The following DOCK3 variants were observed in gnomAD, a reference collection of about 807,000 sequenced individuals.
DOCK3 encodes dedicator of cytokinesis 3.
In DOCK3, 60 loss-of-function variants were observed where a neutral mutation model predicts 265.6. The observed-to-expected ratio is 0.23, with a 90% CI of 0.18 to 0.28. DOCK3 has a LOEUF of 0.28. Among genes scored for constraint, DOCK3 ranks in the 10% least tolerant of loss-of-function variants. The pLI, the probability that DOCK3 is intolerant of heterozygous loss-of-function variation, is 1.00. For missense variants in DOCK3, 1,981 were observed against 2,594.3 expected (o/e 0.76, Z 5.14); for synonymous variants, 881 against 938.0 (o/e 0.94, Z 1.11).
intron 7 of DOCK3, among the ~76,000 whole-genome samples, chr3:51,079,095 A>G (rs2082142667): frequency 6.6e-6 from 1 of 152,222 alleles, no homozygotes. Context: ...TTGTGTTAAC[A>G]TGTAAATCTA....
chr3:50,882,282 A>G (rs1465491709), intron 3 of DOCK3, among the ~76,000 whole-genome samples: 1 of 152,206 alleles, frequency 6.6e-6, no homozygotes, highest in East Asian at 1.9e-4. Flanking sequence ...TAATTAAACT[A>G]AAGAGCTTCT....
intron 9 of DOCK3, among the ~76,000 whole-genome samples, chr3:51,117,573 G>A (rs1010295691): frequency 5.9e-5 from 9 of 152,064 alleles, no homozygotes; most frequent in Admixed American, 1.3e-4. Flanking sequence ...AGTAGAAATC[G>A]GCTGTGAATC....
intron 5 of DOCK3, among the ~76,000 whole-genome samples, chr3:50,973,951 C>G (rs2077344438): frequency 6.9e-6 from 1 of 145,008 alleles, no homozygotes; most frequent in Non-Finnish European, 1.5e-5. Context: ...TGAGAAGTGT[C>G]TGTTCATGTC....
intron 22 of DOCK3, among the ~76,000 whole-genome samples, chr3:51,249,581 C>T (rs1292271664): frequency 5.9e-5 from 7 of 118,086 alleles, no homozygotes; most frequent in Non-Finnish European, 1.1e-4. Context: ...CGGCCAGCCG[C>T]CCAGTCCGGG....
At chr3:50,842,447 A>C (rs1413042642) in intron 3 of DOCK3, among the ~76,000 whole-genome samples, 1 of 152,200 alleles carries the variant, frequency 6.6e-6, no homozygotes, top group African/African-American at 2.4e-5. Flanking sequence ...CAGTAGAATC[A>C]TTCAGTTTTA....
chr3:50,981,990 A>G (rs544804878), intron 5 of DOCK3, among the ~76,000 whole-genome samples: 1 of 152,050 alleles, frequency 6.6e-6, no homozygotes, highest in East Asian at 1.9e-4. Context: ...CTGGGACTAC[A>G]GGAGCATGCC....
intron 5 of DOCK3, among the ~76,000 whole-genome samples, chr3:51,053,836 A>G (rs185810910): frequency 1.6e-3 from 242 of 152,172 alleles, no homozygotes; most frequent in Admixed American, 3.0e-3. Flanking sequence ...TCTTAGGGTT[A>G]ATAATTGTTT....
intron 14 of DOCK3, among the ~76,000 whole-genome samples, chr3:51,216,591 C>G (rs2089802463): frequency 6.6e-6 from 1 of 152,218 alleles, no homozygotes; most frequent in Admixed American, 6.5e-5. Context: ...TCCACCCATT[C>G]TCTTCCTGAG....
intron 12 of DOCK3, among the ~76,000 whole-genome samples, chr3:51,205,497 C>T (rs1405574435): frequency 1.3e-5 from 2 of 149,878 alleles, no homozygotes; most frequent in Non-Finnish European, 3.0e-5. Context: ...AGTTCGAGAC[C>T]AGCCTGGGCA....
At chr3:50,719,725 C>A in intron 1 of DOCK3, 2 of 1,379,034 alleles carry the variant, frequency 1.5e-6, no homozygotes. Flanking sequence ...AAGTTCTTAT[C>A]ATCAAATTTC....
intron 23 of DOCK3, among the ~76,000 whole-genome samples, chr3:51,267,729 T>G (rs2080274680): frequency 6.6e-6 from 1 of 152,054 alleles, no homozygotes; most frequent in Non-Finnish European, 1.5e-5. Flanking sequence ...TAGCAAAGAT[T>G]TGGAACCAAC....
intron 5 of DOCK3, among the ~76,000 whole-genome samples, chr3:51,044,040 CAG>C (rs1212657192): frequency 6.6e-6 from 1 of 152,098 alleles, no homozygotes; most frequent in Non-Finnish European, 1.5e-5. Context: ...GACCTAAAAA[CAG>C]AAATACCATT....
intron 7 of DOCK3, among the ~76,000 whole-genome samples, chr3:51,084,311 G>A (rs550837738): frequency 6.6e-6 from 1 of 152,124 alleles, no homozygotes; most frequent in Non-Finnish European, 1.5e-5. Flanking sequence ...AAAAATCAAA[G>A]ACAAATAATT....
chr3:50,954,512 T>C (rs2076677161), intron 5 of DOCK3, among the ~76,000 whole-genome samples: 1 of 152,184 alleles, frequency 6.6e-6, no homozygotes, highest in African/African-American at 2.4e-5. Flanking sequence ...AAAGCCTTTC[T>C]GATGGGACTG....
intron 5 of DOCK3, among the ~76,000 whole-genome samples, chr3:50,950,982 A>C (rs1251809625): frequency 2.0e-5 from 3 of 152,128 alleles, no homozygotes; most frequent in Non-Finnish European, 4.4e-5. Flanking sequence ...CTCTCCTGTG[A>C]TATTCCTACA....
chr3:51,100,497 G>T (rs1322822989), intron 9 of DOCK3, among the ~76,000 whole-genome samples: 1 of 152,136 alleles, frequency 6.6e-6, no homozygotes, highest in Non-Finnish European at 1.5e-5. Context: ...CTATGTATGA[G>T]CTCTACCCAT....
intron 2 of DOCK3, among the ~76,000 whole-genome samples, chr3:50,811,990 A>G (rs1257737631): frequency 6.6e-6 from 1 of 152,162 alleles, no homozygotes; most frequent in Non-Finnish European, 1.5e-5. Context: ...TAAGAACTTA[A>G]CTCCTATCCC....
chr3:51,201,380 C>T, intron 12 of DOCK3, among the ~76,000 whole-genome samples: 1 of 152,018 alleles, frequency 6.6e-6, no homozygotes, highest in Non-Finnish European at 1.5e-5. Context: ...CAATCCTAGT[C>T]TCTGATAAAA....
At chr3:51,242,269 C>T (rs533069450) in intron 21 of DOCK3, among the ~76,000 whole-genome samples, 2 of 152,264 alleles carry the variant, frequency 1.3e-5, no homozygotes, top group African/African-American at 4.8e-5. Flanking sequence ...TGTTCTCTGG[C>T]TCCTTAAGGT....
Sources: allele counts gnomAD v4.1 joint callset (sites outside exome capture counted in the v4.1 genomes callset), GRCh38; gene constraint gnomAD v4.1.1; transcripts MANE v1.5; gene names NCBI Gene and HGNC (gene_info 2026-07-23, HGNC 2026-07-21).